Variants in DTWD2 observed in about 807,000 individuals in gnomAD.
DTWD2 encodes tRNA-uridine aminocarboxypropyltransferase 2.
Under a neutral mutation model 31.8 loss-of-function variants are expected in DTWD2, and 39 were observed. That is an observed-to-expected ratio of 1.22 (90% confidence interval 0.95 to 1.60). The LOEUF (loss-of-function observed/expected upper bound fraction) is 1.60. Ranked by LOEUF, DTWD2 falls within the 40% of genes most tolerant of loss-of-function variation. DTWD2 has a pLI of 0.00. For missense variants in DTWD2, 515 were observed against 381.5 expected (o/e 1.35, Z -2.92); for synonymous variants, 180 against 142.8 (o/e 1.26, Z -1.86).
At chr5:118,861,049 T>A (rs895786242) in intron 4 of DTWD2, among the ~76,000 whole-genome samples, 1 of 152,188 alleles carries the variant, frequency 6.6e-6, no homozygotes, top group African/African-American at 2.4e-5. Flanking sequence ...TACACTAGAA[T>A]TGGGCTTTAA....
At chr5:118,855,621 A>G (rs1580768638) in intron 4 of DTWD2, among the ~76,000 whole-genome samples, 1 of 152,290 alleles carries the variant, frequency 6.6e-6, no homozygotes, top group East Asian at 1.9e-4. Context: ...AGTGATTGGC[A>G]AGAATATCTT....
Position 118,881,839 on chromosome 5 carries a change from G to C in DTWD2, c.598-33621C>G, listed in dbSNP as rs549413333. ...TATTCGATCACTTCCCAACAGGTCC[G>C]TCCTCCAACACTGGGAATTAAAATT... On this transcript the variant is annotated intron_variant, in intron 4 of 5. Transcript: ENST00000510708. Among the ~76,000 whole-genome samples, 131 of 152,226 alleles carry C rather than the reference G, an allele frequency of 8.6e-4. 1 individual carries two copies. The highest frequency in any genetic ancestry group is 1.8e-3 in the Non-Finnish European group (122 of 68,014).
chr5:118,914,287 C>G (rs954982612), intron 4 of DTWD2, among the ~76,000 whole-genome samples: 1 of 152,158 alleles, frequency 6.6e-6, no homozygotes, highest in African/African-American at 2.4e-5. Flanking sequence ...TGCGTTCTTT[C>G]TCCTACTCTC....
At chr5:118,909,436 A>G (rs1311799059) in intron 4 of DTWD2, among the ~76,000 whole-genome samples, 1 of 152,122 alleles carries the variant, frequency 6.6e-6, no homozygotes, top group African/African-American at 2.4e-5. Flanking sequence ...GCAGACCCCC[A>G]ACAGCTTTTA....
rs932363827 is a variant in DTWD2 at position 118,928,617 on chromosome 5, T to A, written c.517A>T (p.Thr173Ser). The change falls in exon 4 of 6, where the codon ACA becomes TCA. Residue 173 changes from threonine to serine, a missense_variant. Coordinates refer to ENST00000510708, the MANE Select transcript of DTWD2 (RefSeq NM_173666.4). ...CATGTACCATCAATGATGATGATTG[T>A]AGAAGGATAAACAGGAGAATCTAAT... is the stretch of plus-strand genomic sequence containing the variant. ...FILDSPVYPSTIIIIDGTWSQ... is the reference protein window; with the variant it reads ...FILDSPVYPSSIIIIDGTWSQ... 1 of 1,603,000 alleles carries A rather than the reference T, an allele frequency of 6.2e-7. No homozygotes were observed. Among genetic ancestry groups the A allele is most frequent in the Admixed American group, 1.7e-5 (1 of 59,590 alleles).
chr5:118,910,042 C>CAGAT, intron 4 of DTWD2, among the ~76,000 whole-genome samples: 2 of 152,088 alleles, frequency 1.3e-5, no homozygotes, highest in South Asian at 4.2e-4. Flanking sequence ...TGGCTTCTGC[C>CAGAT]CATCCATACC....
intron 4 of DTWD2, 104 bp downstream of exon 4, chr5:118,928,433 C>A: frequency 2.5e-6 from 2 of 786,458 alleles, no homozygotes; most frequent in Non-Finnish European, 3.5e-6. Context: ...AGAAATACCA[C>A]CAAATTCATA....
intron 4 of DTWD2, among the ~76,000 whole-genome samples, chr5:118,916,534 A>T (rs1184728572): frequency 6.6e-6 from 1 of 151,966 alleles, no homozygotes; most frequent in African/African-American, 2.4e-5. Context: ...GCATGGTGGC[A>T]CATGCCTGTA....
chr5:118,910,006 C>T (rs982805657), intron 4 of DTWD2, among the ~76,000 whole-genome samples: 2 of 152,156 alleles, frequency 1.3e-5, no homozygotes, highest in Non-Finnish European at 2.9e-5. Flanking sequence ...CAGGGTTATT[C>T]TTTCCTTGTC....
intron 4 of DTWD2, among the ~76,000 whole-genome samples, chr5:118,862,834 G>A (rs557526436): frequency 3.3e-5 from 5 of 152,232 alleles, no homozygotes; most frequent in Non-Finnish European, 2.9e-5. Context: ...TTAGTTTAGG[G>A]GTCATCATAT....
At chr5:118,961,041 A>G (rs751615016) in intron 1 of DTWD2, among the ~76,000 whole-genome samples, 1 of 150,898 alleles carries the variant, frequency 6.6e-6, no homozygotes, top group Non-Finnish European at 1.5e-5. Context: ...ATTTATCTAT[A>G]GATCCAACCT....
intron 4 of DTWD2, among the ~76,000 whole-genome samples, chr5:118,881,100 T>C (rs562014179): frequency 3.7e-4 from 57 of 152,306 alleles, no homozygotes; most frequent in African/African-American, 1.3e-3. Flanking sequence ...GAAAAATACT[T>C]TATTCCTGCA....
rs973397760 is a variant in DTWD2, at chr5:118,890,562, CTTTTTTT to C, written c.597+37968_597+37974del. On this transcript the variant is annotated intron_variant, in intron 4 of 5. Transcript: ENST00000510708. ...AAAAAAGTGGGGCTTTTAGGTTTTC[CTTTTTTT>C]TTTTTTTTTTTTTTTTTTTTGAGAC... Among the ~76,000 whole-genome samples the C allele has an allele frequency of 4.1e-3, 294 of 71,270 alleles. 1 individual carries two copies. The highest frequency in any genetic ancestry group is 0.016 in the African/African-American group (266 of 16,388). The allele number at this position is 71,270 out of a possible 152,430, so 46.8% of individuals were successfully genotyped here.
chr5:118,944,189 T>C (rs1754274564), intron 2 of DTWD2, among the ~76,000 whole-genome samples: 1 of 152,232 alleles, frequency 6.6e-6, no homozygotes, highest in Non-Finnish European at 1.5e-5. Flanking sequence ...CAAAGTTACT[T>C]CTACTGGAGC....
At chr5:118,982,665 T>C (rs1027485777) in intron 1 of DTWD2, among the ~76,000 whole-genome samples, 1 of 151,742 alleles carries the variant, frequency 6.6e-6, no homozygotes, top group African/African-American at 2.4e-5. Flanking sequence ...TGATTTTAAA[T>C]TTACCAAAAT....
chr5:118,968,789 C>T (rs1357643342), intron 1 of DTWD2, among the ~76,000 whole-genome samples: 1 of 152,208 alleles, frequency 6.6e-6, no homozygotes, highest in Non-Finnish European at 1.5e-5. Flanking sequence ...ATGCCTTCCC[C>T]TAGGAAGGGG....
chr5:118,952,564 C>A (rs1025876765), intron 1 of DTWD2, among the ~76,000 whole-genome samples: 1 of 151,846 alleles, frequency 6.6e-6, no homozygotes, highest in Non-Finnish European at 1.5e-5. Flanking sequence ...CAGGAATTGG[C>A]CATTTTCACT....
chr5:118,898,574 G>A (rs917762834), intron 4 of DTWD2, among the ~76,000 whole-genome samples: 16 of 149,620 alleles, frequency 1.1e-4, no homozygotes, highest in Admixed American at 1.0e-3. Context: ...CAAGAGAATC[G>A]CTTGAACCTG....
At chr5:118,932,937 C>G (rs1222568783) in intron 3 of DTWD2, among the ~76,000 whole-genome samples, 1 of 141,322 alleles carries the variant, frequency 7.1e-6, no homozygotes, top group Non-Finnish European at 1.5e-5. Flanking sequence ...CTGAGGTAAT[C>G]AAAAAAAAAA....
Sources: allele counts gnomAD v4.1 joint callset (sites outside exome capture counted in the v4.1 genomes callset), GRCh38; gene constraint gnomAD v4.1.1; transcripts MANE v1.5; gene names NCBI Gene and HGNC (gene_info 2026-07-23, HGNC 2026-07-21).